UROC1: variants seen among roughly 807,000 people sequenced by gnomAD.
The protein encoded by UROC1 is urocanate hydratase.
In UROC1, 79 loss-of-function variants were observed where a neutral mutation model predicts 89.5. The observed-to-expected ratio is 0.88, with a 90% CI of 0.74 to 1.06. The LOEUF (loss-of-function observed/expected upper bound fraction) is 1.06. UROC1 is among the 50% of genes least tolerant of loss of function. The pLI, the probability that UROC1 is intolerant of heterozygous loss-of-function variation, is 0.00. For missense variants in UROC1, 885 were observed against 907.8 expected, an observed-to-expected ratio of 0.97 and a Z score of 0.32; for synonymous variants, 361 against 354.8, an observed-to-expected ratio of 1.02 and a Z score of -0.20.
intron 9 of UROC1, chr3:126,501,849 CA>C: frequency 6.3e-7 from 1 of 1,599,478 alleles, no homozygotes; most frequent in Non-Finnish European, 8.5e-7. Context: ...TCCCCTCCCC[CA>C]GGGGTGCAAG....
At chr3:126,496,788 T>G (rs562095387) in intron 14 of UROC1, among the ~76,000 whole-genome samples, 3 of 152,310 alleles carry the variant, frequency 2.0e-5, no homozygotes, top group Non-Finnish European at 4.4e-5. Context: ...TATATTAAAA[T>G]GAAGGTAATA....
Position 126,483,563 on chromosome 3 carries a change from G to A in UROC1, c.1791-95C>T, listed in dbSNP as rs142766624. 1.6e-3 allele frequency: 1,927 copies of A among 1,234,574 alleles called. 2 individuals carry two copies. Among genetic ancestry groups the A allele is most frequent in the Non-Finnish European group, 1.9e-3 (1,662 of 876,026 alleles). The allele number at this position is 1,234,574 out of a possible 1,614,324, so 76.5% of individuals were successfully genotyped here. A position where few individuals can be genotyped will look rare whatever the true frequency, so the allele number is the denominator to read the frequency against. On this transcript the variant is annotated intron_variant, in intron 18 of 19. Coordinates refer to ENST00000290868, the MANE Select transcript of UROC1 (RefSeq NM_144639.3). Reference sequence around the variant, plus strand: ...TGTTTTGGAAGCATTGGCTTGAGACGGCGTCAGGGTTGGGGCCGCCACACC... The same window carrying A: ...TGTTTTGGAAGCATTGGCTTGAGACAGCGTCAGGGTTGGGGCCGCCACACC...
Position 126,504,093 on chromosome 3 carries a change from TGAGACATGGGGCCAC to T in UROC1, c.814-25_814-11del, listed in dbSNP as rs559356871. On this transcript the variant is annotated splice_polypyrimidine_tract_variant and intron_variant, in intron 8 of 19. Transcript: ENST00000290868. ...GGGCTGCTTTATCCACCTGGGGCCA[TGAGACATGGGGCCAC>T]GAGACATGGGGCCACCCGGTTACAA... 1,024 of 1,614,036 alleles carry T rather than the reference TGAGACATGGGGCCAC, an allele frequency of 6.3e-4. 3 individuals are homozygous for T. In the African/African-American group the frequency reaches 0.011, roughly 17 times the overall value.
At chr3:126,482,769 A>G (rs926639313) in intron 19 of UROC1, among the ~76,000 whole-genome samples, 2 of 151,802 alleles carry the variant, frequency 1.3e-5, no homozygotes, top group Admixed American at 6.6e-5. Flanking sequence ...CCCTTCTAGA[A>G]TCCACCTCAG....
intron 15 of UROC1, 100 bp downstream of exon 15, chr3:126,495,938 A>C (rs1935765202): frequency 8.5e-7 from 1 of 1,177,412 alleles, no homozygotes; most frequent in African/African-American, 1.5e-5. Context: ...GGCAAGCTGG[A>C]GGCTGTGGAC....
intron 15 of UROC1, among the ~76,000 whole-genome samples, chr3:126,493,245 C>T (rs953331922): frequency 2.6e-5 from 4 of 151,978 alleles, no homozygotes; most frequent in East Asian, 1.9e-4. Flanking sequence ...TGGCATGGGT[C>T]GGGATGCTGC....
intron 1 of UROC1, among the ~76,000 whole-genome samples, chr3:126,514,860 G>T (rs76056334): frequency 0.066 from 9,975 of 151,922 alleles, 401 homozygotes; most frequent in South Asian, 0.17. Flanking sequence ...AAAAAATAAG[G>T]CCCCGGTGAC....
Position 126,482,202 on chromosome 3 carries a change from C to T in UROC1, c.*143G>A. Reference sequence around the variant, plus strand: ...CTGTAAAATGAGGCTGTGGTGGCACCCTGCACAGGGCACCATAAGGGCCAC... The same window carrying T: ...CTGTAAAATGAGGCTGTGGTGGCACTCTGCACAGGGCACCATAAGGGCCAC... On this transcript the variant is annotated 3_prime_UTR_variant, in exon 20 of 20. Transcript: ENST00000290868. 2.4e-6 allele frequency: 3 copies of T among 1,253,410 alleles called. No individual in the cohort carries two copies. Among genetic ancestry groups the T allele is most frequent in the Admixed American group, 1.9e-5 (1 of 52,018 alleles). The allele number at this position is 1,253,410 out of a possible 1,614,324, so 77.6% of individuals were successfully genotyped here. A position where few individuals can be genotyped will look rare whatever the true frequency, so the allele number is the denominator to read the frequency against.
intron 15 of UROC1, among the ~76,000 whole-genome samples, chr3:126,494,529 A>G (rs1424739121): frequency 2.6e-5 from 4 of 152,294 alleles, no homozygotes; most frequent in East Asian, 1.9e-4. Flanking sequence ...TTGCGTATGG[A>G]TGAGACAGCC....
chr3:126,502,129 T>C (rs1202829741), intron 9 of UROC1, among the ~76,000 whole-genome samples: 6 of 152,200 alleles, frequency 3.9e-5, no homozygotes, highest in Admixed American at 3.9e-4. Context: ...TATATATGCG[T>C]GTATATGCAT....
chr3:126,505,655 G>GGGAT, intron 8 of UROC1, 46 bp downstream of exon 8: 4 of 1,609,474 alleles, frequency 2.5e-6, no homozygotes, highest in Non-Finnish European at 3.4e-6. Context: ...GAGGGAGGGA[G>GGGAT]GGAGGGAGGC....
intron 17 of UROC1, among the ~76,000 whole-genome samples, chr3:126,488,587 A>C (rs1454365239): frequency 6.6e-6 from 1 of 152,264 alleles, no homozygotes; most frequent in Non-Finnish European, 1.5e-5. Context: ...GTGTTAGTTC[A>C]GAGAAGTAGA....
chr3:126,483,560 G>T, intron 18 of UROC1, 92 bp from the exon 19 acceptor site: 2 of 1,262,744 alleles, frequency 1.6e-6, no homozygotes, highest in African/African-American at 1.5e-5. Context: ...ATTGGCTTGA[G>T]ACGGCGTCAG....
intron 3 of UROC1, among the ~76,000 whole-genome samples, chr3:126,508,976 C>T (rs1936132133): frequency 6.6e-6 from 1 of 152,190 alleles, no homozygotes. Flanking sequence ...CTTTTCAGCT[C>T]TGCTCCTTGC....
intron 18 of UROC1, 127 bp from the exon 19 acceptor site, chr3:126,483,595 C>T: frequency 1.2e-6 from 1 of 845,856 alleles, no homozygotes; most frequent in South Asian, 1.5e-5. Flanking sequence ...CACCGCCAGC[C>T]TCTGCAACCT....
chr3:126,485,032 G>A (rs942959528), intron 18 of UROC1, among the ~76,000 whole-genome samples: 1 of 152,218 alleles, frequency 6.6e-6, no homozygotes, highest in African/African-American at 2.4e-5. Context: ...GCAGATCCCA[G>A]GAAAATGGGA....
At chr3:126,498,264 TC>T (rs2107541168) in intron 13 of UROC1, 92 bp from the exon 14 acceptor site, 1 of 1,604,748 alleles carries the variant, frequency 6.2e-7, no homozygotes, top group East Asian at 2.2e-5. Flanking sequence ...GGGCTCAGCA[TC>T]CAGAAGTCAG....
At chr3:126,495,198 A>G (rs1935749858) in intron 15 of UROC1, among the ~76,000 whole-genome samples, 1 of 152,136 alleles carries the variant, frequency 6.6e-6, no homozygotes, top group Non-Finnish European at 1.5e-5. Flanking sequence ...GTTTTAAATT[A>G]TAAAATATAC....
In UROC1 at chr3:126,501,262, C is replaced by CT; in HGVS notation, c.920dup (p.Glu308GlyfsTer171). On this transcript the variant is annotated frameshift_variant, in exon 10 of 20. Transcript: ENST00000290868. LOFTEE classifies it high-confidence loss of function. Reference sequence around the variant, plus strand: ...CATGGTAACCAAGGCTGAGCACCTCCTTTTTTTTCCTTGCTTCCCTGGAAG... The same window carrying CT: ...CATGGTAACCAAGGCTGAGCACCTCCTTTTTTTTTCCTTGCTTCCCTGGAAG... The CT allele has an allele frequency of 1.2e-6, 2 of 1,613,762 alleles. No individual in the cohort carries two copies. The highest frequency in any genetic ancestry group is 1.7e-5 in the Admixed American group (1 of 59,998).
Sources: allele counts gnomAD v4.1 joint callset (sites outside exome capture counted in the v4.1 genomes callset), GRCh38; gene constraint gnomAD v4.1.1; transcripts MANE v1.5; gene names NCBI Gene and HGNC (gene_info 2026-07-23, HGNC 2026-07-21).